Variants in MAGI2 observed in about 807,000 individuals in gnomAD.
MAGI2 encodes the protein membrane associated guanylate kinase, WW and PDZ domain containing 2, also known as membrane-associated guanylate kinase, WW and PDZ domain-containing protein 2.
Under a neutral mutation model 133.3 loss-of-function variants are expected in MAGI2, and 35 were observed. The observed-to-expected ratio is 0.26, with a 90% CI of 0.20 to 0.35. MAGI2 has a LOEUF of 0.35. MAGI2 is among the 10% of genes least tolerant of loss of function. The pLI, the probability that MAGI2 is intolerant of heterozygous loss-of-function variation, is 1.00. For synonymous variants in MAGI2, 729 were observed against 710.6 expected, an observed-to-expected ratio of 1.03 and a Z score of -0.41; for missense variants, 1,636 against 1,863.4, an observed-to-expected ratio of 0.88 and a Z score of 2.25.
intron 15 of MAGI2, among the ~76,000 whole-genome samples, chr7:78,160,944 A>T (rs574593022): frequency 6.6e-6 from 1 of 152,360 alleles, no homozygotes. Context: ...ATACTTCTTA[A>T]AAGTAGTTTG....
intron 3 of MAGI2, among the ~76,000 whole-genome samples, chr7:78,566,100 C>G (rs1181170678): frequency 6.6e-6 from 1 of 152,126 alleles, no homozygotes; most frequent in Non-Finnish European, 1.5e-5. Flanking sequence ...TTGAGAAAGT[C>G]AGAGGTGTGA....
chr7:78,753,837 G>T (rs914586165), intron 2 of MAGI2, among the ~76,000 whole-genome samples: 1 of 152,080 alleles, frequency 6.6e-6, no homozygotes, highest in African/African-American at 2.4e-5. Context: ...TGGTACAAAT[G>T]ATGGCTAAAT....
At chr7:78,832,643 A>G (rs368308945) in intron 2 of MAGI2, among the ~76,000 whole-genome samples, 28 of 152,300 alleles carry the variant, frequency 1.8e-4, no homozygotes, top group African/African-American at 6.0e-4. Flanking sequence ...CTCATGATAC[A>G]AGGGGGAACT....
intron 6 of MAGI2, among the ~76,000 whole-genome samples, chr7:78,487,914 TTG>T (rs1259656121): frequency 6.6e-6 from 1 of 152,058 alleles, no homozygotes; most frequent in African/African-American, 2.4e-5. Flanking sequence ...ACATCCAGTG[TTG>T]TAAATAAGTA....
intron 13 of MAGI2, among the ~76,000 whole-genome samples, chr7:78,180,268 G>C (rs1187215747): frequency 6.6e-6 from 1 of 152,176 alleles, no homozygotes; most frequent in Admixed American, 6.6e-5. Flanking sequence ...GTGGGAACTT[G>C]TTCTTCCAGT....
chr7:79,453,445 C>T lies in MAGI2; in HGVS notation c.-125G>A. The T allele has an allele frequency of 3.4e-6, 5 of 1,489,402 alleles. No homozygotes were observed. The highest frequency in any genetic ancestry group is 2.8e-5 in the South Asian group (2 of 72,282). The allele number at this position is 1,489,402 out of a possible 1,614,324, so 92.3% of individuals were successfully genotyped here. A position where few individuals can be genotyped will look rare whatever the true frequency, so the allele number is the denominator to read the frequency against. ...AACAGCAGACTTTGCCTTCGCCCCC[C>T]TCTATTCGGTGCTTTCCCTCTTCTT... On this transcript the variant is annotated 5_prime_UTR_variant, in exon 1 of 22. Transcript: ENST00000354212.
chr7:78,938,019 A>G (rs1800652020), intron 2 of MAGI2, among the ~76,000 whole-genome samples: 1 of 151,862 alleles, frequency 6.6e-6, no homozygotes, highest in South Asian at 2.1e-4. Flanking sequence ...TTCATCATCA[A>G]TATAAATTCT....
intron 6 of MAGI2, among the ~76,000 whole-genome samples, chr7:78,418,163 A>G (rs753008478): frequency 3.9e-5 from 6 of 152,220 alleles, no homozygotes; most frequent in Non-Finnish European, 5.9e-5. Flanking sequence ...CTAAAAATGC[A>G]GAAAAATATG....
At chr7:78,032,646 A>G (rs1211907811) in intron 21 of MAGI2, among the ~76,000 whole-genome samples, 2 of 152,208 alleles carry the variant, frequency 1.3e-5, no homozygotes, top group Admixed American at 6.5e-5. Context: ...AGATTAATAT[A>G]CAAATAGGTG....
At position 79,453,039 on chromosome 7, in the gene MAGI2, C is replaced by T. The variant is rs748242694; in HGVS notation, c.282G>A (p.Arg94=). Residue 94 remains arginine, a synonymous_variant, in exon 1 of 22, where the codon CGG becomes CGA. Transcript: ENST00000354212. ...TCTCACCTTGCTTGACACACTTGAG[C>T]CGGAGGGGGTCCTTGCAGTGTTTGA... ...AVIKHCKDPL[R]LKCVKQGGIV... 1.3e-6 allele frequency: 2 copies of T among 1,596,032 alleles called. No individual in the cohort carries two copies. The highest frequency in any genetic ancestry group is 3.4e-5 in the Admixed American group (2 of 59,162).
At chr7:78,461,311 T>C (rs1789963591) in intron 6 of MAGI2, among the ~76,000 whole-genome samples, 1 of 152,126 alleles carries the variant, frequency 6.6e-6, no homozygotes, top group Non-Finnish European at 1.5e-5. Context: ...TTGGTTTACA[T>C]TTTGGTGAGT....
chr7:78,375,615 T>G (rs1040868371), intron 6 of MAGI2, among the ~76,000 whole-genome samples: 3 of 152,216 alleles, frequency 2.0e-5, no homozygotes, highest in African/African-American at 4.8e-5. Flanking sequence ...CTTGTTTGAT[T>G]GTTTTAGAGG....
intron 7 of MAGI2, among the ~76,000 whole-genome samples, chr7:78,351,210 A>G (rs1469720353): frequency 6.6e-6 from 1 of 152,104 alleles, no homozygotes; most frequent in Admixed American, 6.6e-5. Flanking sequence ...ACTCTCCTGT[A>G]AAATACGCAT....
chr7:78,930,037 A>G (rs1799996343), intron 2 of MAGI2, among the ~76,000 whole-genome samples: 1 of 152,168 alleles, frequency 6.6e-6, no homozygotes, highest in Admixed American at 6.6e-5. Context: ...CTGGCACTGG[A>G]TGATGTTCAT....
At chr7:78,630,181 G>T (rs1212943437) in intron 2 of MAGI2, among the ~76,000 whole-genome samples, 1 of 151,280 alleles carries the variant, frequency 6.6e-6, no homozygotes, top group Non-Finnish European at 1.5e-5. Context: ...ACTTTAAGAT[G>T]CCTCTTGATT....
chr7:78,195,080 G>C lies in MAGI2; in HGVS notation c.2080-17C>G, dbSNP rs777736527. On this transcript the variant is annotated splice_polypyrimidine_tract_variant and intron_variant, in intron 11 of 21. Transcript: ENST00000354212. The stretch of plus-strand genomic sequence containing the variant: ...GTCCATTATCTGAAAAGTGACAGAG[G>C]ACAGAGAAAATGACTGACAAATTCT... 6.4e-7 allele frequency: 1 copy of C among 1,570,960 alleles called. No homozygotes were observed. The highest frequency in any genetic ancestry group is 1.9e-5 in the Admixed American group (1 of 53,964).
chr7:79,115,736 C>A (rs2129544227), intron 1 of MAGI2, among the ~76,000 whole-genome samples: 1 of 151,278 alleles, frequency 6.6e-6, no homozygotes, highest in South Asian at 2.1e-4. Flanking sequence ...TTACCAAACT[C>A]ATTTAGAGTG....
At chr7:78,360,397 C>T (rs540626865) in intron 7 of MAGI2, among the ~76,000 whole-genome samples, 1 of 152,300 alleles carries the variant, frequency 6.6e-6, no homozygotes, top group Admixed American at 6.5e-5. Context: ...AATTTTGACT[C>T]AGCCATTTTC....
At chr7:78,665,457 T>C (rs945181261) in intron 2 of MAGI2, among the ~76,000 whole-genome samples, 17 of 152,122 alleles carry the variant, frequency 1.1e-4, no homozygotes, top group African/African-American at 4.1e-4. Flanking sequence ...TTAATATACA[T>C]CGTGCTTTGC....
Sources: allele counts gnomAD v4.1 joint callset (sites outside exome capture counted in the v4.1 genomes callset), GRCh38; gene constraint gnomAD v4.1.1; transcripts MANE v1.5; gene names NCBI Gene and HGNC (gene_info 2026-07-23, HGNC 2026-07-21).